The following KIF9 variants were observed in gnomAD, a reference collection of about 807,000 sequenced individuals.
KIF9 encodes kinesin family member 9, also known as kinesin-like protein KIF9.
KIF9 carries 68 observed loss-of-function variants against 94.8 expected under a neutral mutation model. That is an observed-to-expected ratio of 0.72 (90% CI 0.59 to 0.88). KIF9 has a LOEUF of 0.88. Ranked by LOEUF, KIF9 falls within the 40% of genes least tolerant of loss-of-function variation. The pLI is 0.00. For synonymous variants in KIF9, 343 were observed against 362.1 expected (o/e 0.95, Z 0.60); for missense variants, 882 against 982.5 (o/e 0.90, Z 1.37).
At chr3:47,241,635 A>G (rs535492641) in intron 16 of KIF9, among the ~76,000 whole-genome samples, 48 of 137,028 alleles carry the variant, frequency 3.5e-4, no homozygotes, top group Admixed American at 3.1e-3. Context: ...GATTTCATAT[A>G]TGTGTGTGTG....
chr3:47,266,884 A>G (rs1701319244), intron 7 of KIF9, 92 bp downstream of exon 7: 1 of 949,200 alleles, frequency 1.1e-6, no homozygotes, highest in African/African-American at 1.6e-5. Flanking sequence ...GTTCACAAAT[A>G]TCCAATGAGT....
chr3:47,271,801 C>A (rs185758901), intron 4 of KIF9, among the ~76,000 whole-genome samples: 9 of 152,086 alleles, frequency 5.9e-5, no homozygotes, highest in African/African-American at 1.9e-4. Context: ...AGGAGCAATA[C>A]GTATTTGTGG....
At chr3:47,267,805 G>T (rs1189670479) in intron 5 of KIF9, among the ~76,000 whole-genome samples, 3 of 147,668 alleles carry the variant, frequency 2.0e-5, no homozygotes, top group Non-Finnish European at 4.5e-5. Flanking sequence ...AGTTTTGTGG[G>T]TTTTTTTTAG....
At position 47,275,119 on chromosome 3, in the gene KIF9, T is replaced by A. The variant is rs372571948; in HGVS notation, c.259+206A>T. On this transcript the variant is annotated intron_variant, in intron 3 of 20. Coordinates refer to ENST00000684063, the MANE Select transcript of KIF9 (RefSeq NM_182902.4). ...ATAGAGAGCCATAGTCTTTTAATTT[T>A]CCTATGAAGGTAGAATCCCAGGACA... 6 of 529,086 alleles carry A rather than the reference T, an allele frequency of 1.1e-5. No individual in the cohort carries two copies. Among genetic ancestry groups the A allele is most frequent in the Non-Finnish European group, 9.8e-6 (3 of 305,396 alleles). 32.8% of individuals were successfully genotyped at this position (529,086 alleles called of 1,614,324 possible).
chr3:47,229,923 A>G (rs894522913), intron 20 of KIF9, among the ~76,000 whole-genome samples: 7 of 152,036 alleles, frequency 4.6e-5, no homozygotes, highest in African/African-American at 1.2e-4. Context: ...TAGTAAAGAC[A>G]GGGTTTTACC....
chr3:47,268,025 C>T (rs1453910426), intron 5 of KIF9, among the ~76,000 whole-genome samples: 1 of 151,928 alleles, frequency 6.6e-6, no homozygotes, highest in East Asian at 1.9e-4. Flanking sequence ...GCGTGCACTA[C>T]CACACCTGGC....
At chr3:47,256,312 G>C (rs1245745880) in intron 10 of KIF9, among the ~76,000 whole-genome samples, 6 of 151,630 alleles carry the variant, frequency 4.0e-5, no homozygotes, top group African/African-American at 1.5e-4. Context: ...TCTAGGAAGT[G>C]AGGAGCATCT....
At chr3:47,265,699 T>G in intron 8 of KIF9, 31 bp downstream of exon 8, 1 of 1,608,638 alleles carries the variant, frequency 6.2e-7, no homozygotes, top group Non-Finnish European at 8.5e-7. Flanking sequence ...ACACAGACCC[T>G]CCTCCCTGGG....
intron 3 of KIF9, 52 bp downstream of exon 3, chr3:47,275,273 T>C (rs760040316): frequency 2.3e-6 from 3 of 1,297,760 alleles, no homozygotes; most frequent in Non-Finnish European, 1.1e-6. Context: ...AATATTTGCA[T>C]CTCTTACTCC....
chr3:47,233,915 C>T (rs1698806200), intron 20 of KIF9, among the ~76,000 whole-genome samples: 3 of 152,022 alleles, frequency 2.0e-5, no homozygotes, highest in African/African-American at 2.4e-5. Context: ...CATGGTGAAA[C>T]CCCATCTCTA....
chr3:47,260,643 T>C (rs536598047), intron 9 of KIF9, among the ~76,000 whole-genome samples: 1 of 152,302 alleles, frequency 6.6e-6, no homozygotes, highest in African/African-American at 2.4e-5. Flanking sequence ...AACCCAGTTT[T>C]ATAGACGAGG....
At chr3:47,256,526 T>A (rs1700616123) in intron 10 of KIF9, among the ~76,000 whole-genome samples, 2 of 143,186 alleles carry the variant, frequency 1.4e-5, no homozygotes, top group Admixed American at 6.9e-5. Context: ...GGTGGGGGGG[T>A]CGGCCCCCCG....
In KIF9 at chr3:47,247,440, T is replaced by A. The variant is rs145981562; in HGVS notation, c.1166A>T (p.Glu389Val). 1.2e-6 allele frequency: 2 copies of A among 1,613,942 alleles called. No individual in the cohort carries two copies. Among genetic ancestry groups the A allele is most frequent in the African/African-American group, 2.7e-5 (2 of 75,054 alleles). ...GGAGTTGATCTCAGCAATCTGGATTTCATCCATGGGGTCATAGGTCACAAA... is the reference window on the plus strand; with the variant it reads ...GGAGTTGATCTCAGCAATCTGGATTACATCCATGGGGTCATAGGTCACAAA... ...RTFVTYDPMD[E>V]IQIAEINSQV... Residue 389 changes from glutamate to valine, a missense_variant, in exon 12 of 21, where the codon GAA becomes GTA. By Grantham distance (121) the Glu-to-Val change is moderately radical. Transcript: ENST00000684063.
At chr3:47,255,807 C>T (rs889508858) in intron 10 of KIF9, among the ~76,000 whole-genome samples, 11 of 151,086 alleles carry the variant, frequency 7.3e-5, no homozygotes, top group South Asian at 2.1e-4. Context: ...CCTCTGATGC[C>T]GAGCCGAAGC....
At chr3:47,276,345 C>T (rs1416346957) in intron 2 of KIF9, among the ~76,000 whole-genome samples, 1 of 151,910 alleles carries the variant, frequency 6.6e-6, no homozygotes, top group Non-Finnish European at 1.5e-5. Flanking sequence ...CACCTGAGGT[C>T]AGGAGTTCCA....
chr3:47,230,968 G>C (rs1208247860), intron 20 of KIF9, among the ~76,000 whole-genome samples: 1 of 152,102 alleles, frequency 6.6e-6, no homozygotes, highest in African/African-American at 2.4e-5. Flanking sequence ...CAACCCAGGG[G>C]GCAGAGGCTG....
chr3:47,265,733 A>G lies in KIF9; in HGVS notation c.913T>C (p.Leu305=), dbSNP rs752993049. ...CKLTHALKDS[L]GGNCNMVLVT... ...GGCAGCAACTGTACCCCCTCACCTA[A>G]CGAGTCCTTCAGAGCGTGGGTGAGC... is the stretch of plus-strand genomic sequence containing the variant. The change falls in exon 8 of 21, where the codon TTA becomes CTA. Residue 305 remains leucine (L), a synonymous_variant. Transcript: ENST00000684063. The G allele has an allele frequency of 6.2e-7, 1 of 1,614,018 alleles. No homozygotes were observed. Among genetic ancestry groups the G allele is most frequent in the Admixed American group, 1.7e-5 (1 of 60,010 alleles).
Position 47,240,897 on chromosome 3 carries a change from C to T in KIF9, c.1828G>A (p.Ala610Thr). The change falls in exon 17 of 21, where the codon GCC becomes ACC. Residue 610 changes from alanine to threonine, a missense_variant. By Grantham distance (58) the Ala-to-Thr change is moderately conservative (BLOSUM62 0). Transcript: ENST00000684063. The stretch of plus-strand genomic sequence containing the variant: ...TTGATGTGCTGTGTGGTCTCGCTGG[C>T]CCTTTTCCTCCGTTCATTCAAGATG... ...KSILNERRKRASETTQHINAI... is the reference protein window; with the variant it reads ...KSILNERRKRTSETTQHINAI... The T allele has an allele frequency of 1.2e-6, 2 of 1,614,152 alleles. No homozygotes were observed. The highest frequency in any genetic ancestry group is 1.7e-6 in the Non-Finnish European group (2 of 1,180,024).
At chr3:47,237,102 T>C (rs1699082853) in intron 17 of KIF9, among the ~76,000 whole-genome samples, 2 of 152,232 alleles carry the variant, frequency 1.3e-5, no homozygotes, top group South Asian at 4.1e-4. Flanking sequence ...ACTTTCTTTT[T>C]TTTTCTTTTT....
Sources: allele counts gnomAD v4.1 joint callset (sites outside exome capture counted in the v4.1 genomes callset), GRCh38; gene constraint gnomAD v4.1.1; transcripts MANE v1.5; gene names NCBI Gene and HGNC (gene_info 2026-07-23, HGNC 2026-07-21).